The following RPS8 variants were observed in gnomAD, a reference collection of about 807,000 sequenced individuals.
RPS8 encodes small ribosomal subunit protein eS8.
For synonymous variants in RPS8, 100 were observed against 100.7 expected (o/e 0.99, Z 0.04); for missense variants, 141 against 269.7 (o/e 0.52, Z 3.34).
intron 5 of RPS8, 80 bp downstream of exon 5, chr1:44,778,209 T>C: frequency 1.9e-6 from 3 of 1,547,702 alleles, no homozygotes; most frequent in Non-Finnish European, 2.6e-6. Flanking sequence ...CTCAGTTCCT[T>C]TGACTGCCAG....
chr1:44,776,225 T>C (rs1474143775), intron 2 of RPS8, 85 bp downstream of exon 2: 3 of 980,508 alleles, frequency 3.1e-6, no homozygotes, highest in African/African-American at 3.3e-5. Flanking sequence ...GTGACAGTTG[T>C]GCGTTCTTTC....
At chr1:44,777,462 G>T in intron 3 of RPS8, 152 bp from the exon 4 acceptor site, 1 of 654,242 alleles carries the variant, frequency 1.5e-6, no homozygotes, top group Non-Finnish European at 2.7e-6. Context: ...GGGTTAGGGG[G>T]TTGTGGAAGA....
rs769691487 is a variant in RPS8 at position 44,777,662 on chromosome 1, A to G, written c.260A>G (p.Asn87Ser). The G allele has an allele frequency of 6.2e-7, 1 of 1,614,012 alleles. No individual in the cohort carries two copies. The highest frequency in any genetic ancestry group is 1.7e-5 in the Admixed American group (1 of 60,014). Residue 87 changes from asparagine (N) to serine (S), a missense_variant, in exon 4 of 6, where the codon AAT becomes AGT. Asn to Ser is a conservative substitution (Grantham distance 46). Transcript: ENST00000396651. ...RIIDVVYNASNNELVRTKTLV... is the reference protein window; with the variant it reads ...RIIDVVYNASSNELVRTKTLV... ...ATCGATGTTGTCTACAATGCATCTAATAACGAGCTGGTTCGTACCAAGACC... is the reference window on the plus strand; with the variant it reads ...ATCGATGTTGTCTACAATGCATCTAGTAACGAGCTGGTTCGTACCAAGACC...
rs959368193 is a variant in RPS8, at chr1:44,775,614, T to C, written c.4+14T>C. On this transcript the variant is annotated intron_variant, in intron 1 of 5. Transcript: ENST00000396651. ...GCCGAGCGATGGGTGAGTGTCGCTC[T>C]GCATTGAGGCGGGTGAAGGGAGGTT... The C allele has an allele frequency of 1.2e-6, 2 of 1,614,110 alleles. No homozygotes were observed. The highest frequency in any genetic ancestry group is 1.7e-6 in the Non-Finnish European group (2 of 1,179,954).
Position 44,778,777 on chromosome 1 carries a change from T to C in RPS8, c.*92T>C. ...TGAATATATGACTGTTTTCTCTGCT[T>C]TATTTCCTTGCCCTGCAAAACTGAT... On this transcript the variant is annotated 3_prime_UTR_variant, in exon 6 of 6. Coordinates refer to ENST00000396651, the MANE Select transcript of RPS8 (RefSeq NM_001012.2). 1 of 945,288 alleles carries C rather than the reference T, an allele frequency of 1.1e-6. No individual in the cohort carries two copies. Among genetic ancestry groups the C allele is most frequent in the South Asian group, 1.6e-5 (1 of 60,788 alleles). The allele number at this position is 945,288 out of a possible 1,614,324, so 58.6% of individuals were successfully genotyped here. A position where few individuals can be genotyped will look rare whatever the true frequency, so the allele number is the denominator to read the frequency against.
At position 44,778,711 on chromosome 1, in the gene RPS8, A is replaced by G. The variant is rs1478649899; in HGVS notation, c.*26A>G. On this transcript the variant is annotated 3_prime_UTR_variant, in exon 6 of 6. Coordinates refer to ENST00000396651, the MANE Select transcript of RPS8 (RefSeq NM_001012.2). ...ATCCTTGTTTTGTCTTCACCCATGT[A>G]ATAAAGGTGTTTATTGTTTTGTTCC... 1 of 1,452,166 alleles carries G rather than the reference A, an allele frequency of 6.9e-7. No homozygotes were observed. The highest frequency in any genetic ancestry group is 9.5e-7 in the Non-Finnish European group (1 of 1,047,624). 90.0% of individuals were successfully genotyped at this position (1,452,166 alleles called of 1,614,324 possible).
chr1:44,775,641 A>C (rs748221101), intron 1 of RPS8, 41 bp downstream of exon 1: 3 of 1,613,298 alleles, frequency 1.9e-6, no homozygotes, highest in Non-Finnish European at 1.7e-6. Flanking sequence ...AGGGAGGTTG[A>C]GCTCAATCAG....
chr1:44,775,891 G>A, intron 1 of RPS8, 143 bp from the exon 2 acceptor site: 1 of 857,276 alleles, frequency 1.2e-6, no homozygotes, highest in Non-Finnish European at 2.0e-6. Flanking sequence ...CGGTAATGCT[G>A]CATACTCCCG....
At chr1:44,778,229 C>A in intron 5 of RPS8, 100 bp downstream of exon 5, 1 of 1,440,812 alleles carries the variant, frequency 6.9e-7, no homozygotes, top group Non-Finnish European at 9.7e-7. Flanking sequence ...GCCATGCAGT[C>A]TAAAGGGTTC....
intron 2 of RPS8, among the ~76,000 whole-genome samples, 195 bp downstream of exon 2, chr1:44,776,335 A>G (rs1276895206): frequency 2.0e-5 from 3 of 152,200 alleles, no homozygotes; most frequent in South Asian, 2.1e-4. Flanking sequence ...CAGGCCCCCA[A>G]ACCTGGAGCT....
chr1:44,776,917 T>C, intron 3 of RPS8, 143 bp downstream of exon 3: 1 of 577,974 alleles, frequency 1.7e-6, no homozygotes, highest in African/African-American at 1.9e-5. Context: ...AGGTCAGGAG[T>C]TCGAGTCCAG....
chr1:44,776,874 C>A, intron 3 of RPS8, 100 bp downstream of exon 3: 3 of 849,976 alleles, frequency 3.5e-6, no homozygotes, highest in East Asian at 2.8e-5. Context: ...ATAAGCCCAG[C>A]ACGTTGGGAG....
intron 2 of RPS8, 51 bp from the exon 3 acceptor site, chr1:44,776,624 C>T (rs377275681): frequency 1.3e-6 from 2 of 1,524,500 alleles, no homozygotes; most frequent in Non-Finnish European, 1.8e-6. Context: ...CTCTCCCTCA[C>T]TTGCCTTGCT....
intron 4 of RPS8, 80 bp downstream of exon 4, chr1:44,777,869 C>T: frequency 6.3e-7 from 1 of 1,577,150 alleles, no homozygotes; most frequent in Non-Finnish European, 8.7e-7. Flanking sequence ...CTGTCCAGTT[C>T]TGCTACTGAA....
rs779944169 is a variant in RPS8 at position 44,776,021 on chromosome 1, C to T, written c.5-13C>T. On this transcript the variant is annotated splice_polypyrimidine_tract_variant and intron_variant, in intron 1 of 5. Coordinates refer to ENST00000396651, the MANE Select transcript of RPS8 (RefSeq NM_001012.2). ...ACAGTGGCTCAAGCTTCCTTCCCCG[C>T]TTCCACATGCAGGCATCTCTCGGGA... 1.2e-6 allele frequency: 2 copies of T among 1,612,570 alleles called. No homozygotes were observed. Among genetic ancestry groups the T allele is most frequent in the East Asian group, 2.2e-5 (1 of 44,838 alleles).
At chr1:44,777,954 G>A (rs374988098) in intron 4 of RPS8, 46 bp from the exon 5 acceptor site, 70 of 1,612,538 alleles carry the variant, frequency 4.3e-5, no homozygotes, top group Non-Finnish European at 5.7e-5. Context: ...AGCTCCCAGG[G>A]CCTGCCTTCC....
chr1:44,778,164 C>A (rs945697503), intron 5 of RPS8, 35 bp downstream of exon 5: 1 of 1,588,412 alleles, frequency 6.3e-7, no homozygotes, highest in African/African-American at 1.3e-5. Flanking sequence ...TGGGGAGTCG[C>A]AGAGATTGAG....
intron 2 of RPS8, chr1:44,776,429 CTTG>C (rs1650855241): frequency 1.3e-6 from 1 of 752,596 alleles, no homozygotes; most frequent in Non-Finnish European, 2.4e-6. Context: ...GAAGCCTAGT[CTTG>C]TTTTTTTTAC....
chr1:44,775,810 C>T, intron 1 of RPS8: 2 of 796,510 alleles, frequency 2.5e-6, no homozygotes, highest in Non-Finnish European at 4.2e-6. Flanking sequence ...GGGCTGCGGG[C>T]TCCGAGCGGC....
Sources: gnomAD v4.1 joint callset for allele counts (sites outside exome capture counted in the v4.1 genomes callset) on GRCh38, gnomAD v4.1.1 for gene constraint, MANE v1.5 for transcripts, NCBI Gene and HGNC (gene_info 2026-07-23, HGNC 2026-07-21) for gene names.